The following FGD1 variants were observed in gnomAD, a reference collection of about 807,000 sequenced individuals.
The protein encoded by FGD1 is FYVE, RhoGEF and PH domain containing 1.
In FGD1, 12 loss-of-function variants were observed where a neutral mutation model predicts 65.0. That is an observed-to-expected ratio of 0.18 (90% confidence interval 0.12 to 0.30). The LOEUF is 0.30. Among genes scored for constraint, FGD1 ranks in the 10% least tolerant of loss-of-function variants. The probability of loss-of-function intolerance (pLI) is 1.00; values close to 1 mark genes in which losing one functional copy is unlikely to be tolerated. For synonymous variants in FGD1, 333 were observed against 343.9 expected, an observed-to-expected ratio of 0.97 and a Z score of 0.35; for missense variants, 542 against 837.6, an observed-to-expected ratio of 0.65 and a Z score of 4.36.
chrX:54,465,365 A>G, intron 8 of FGD1, 86 bp downstream of exon 8: 4 of 1,038,938 alleles, frequency 3.9e-6, no homozygotes, highest in Non-Finnish European at 5.2e-6. Context: ...GACCCTGTGA[A>G]TTAAGTCTTG....
At chrX:54,490,385 T>C (rs1340380751) in intron 1 of FGD1, among the ~76,000 whole-genome samples, 2 of 111,897 alleles carry the variant, frequency 1.8e-5, no homozygotes, top group Non-Finnish European at 3.8e-5. Context: ...CATATTATTA[T>C]GCAGTCATTA....
rs1467930514 is a variant in FGD1, at chrX:54,449,640, A to G, written c.2148+19T>C. 1 of 1,086,282 alleles carries G rather than the reference A, an allele frequency of 9.2e-7. No homozygotes were observed. Among genetic ancestry groups the G allele is most frequent in the African/African-American group, 1.8e-5 (1 of 54,198 alleles). The allele number at this position is 1,086,282 out of a possible 1,213,427, so 89.5% of individuals were successfully genotyped here. A position where few individuals can be genotyped will look rare whatever the true frequency, so the allele number is the denominator to read the frequency against. On this transcript the variant is annotated intron_variant, in intron 14 of 17. Transcript: ENST00000375135. Reference sequence around the variant, plus strand: ...TGGAAGGGGTCCCAGTGCAGGGGAAAGAGGGCGGGGACTCTTACTGGAGAG... The same window carrying G: ...TGGAAGGGGTCCCAGTGCAGGGGAAGGAGGGCGGGGACTCTTACTGGAGAG...
intron 1 of FGD1, among the ~76,000 whole-genome samples, chrX:54,488,269 C>CAAAAAAA (rs57920117): frequency 1.8e-4 from 1 of 5,465 alleles, no homozygotes; most frequent in Non-Finnish European, 3.6e-4. Context: ...GACTCAGTCT[C>CAAAAAAA]AAAAAAAAAA....
chrX:54,479,724 GA>G (rs1294047770), intron 1 of FGD1, among the ~76,000 whole-genome samples: 1 of 99,863 alleles, frequency 1.0e-5, no homozygotes, highest in East Asian at 3.2e-4. Flanking sequence ...CAGCAGAAAG[GA>G]AAGTGCCTTT....
chrX:54,492,813 A>C (rs1357337433), intron 1 of FGD1, among the ~76,000 whole-genome samples: 1 of 110,233 alleles, frequency 9.1e-6, no homozygotes, highest in Non-Finnish European at 1.9e-5. Context: ...TGAGGTTCAG[A>C]GAAGAAAAGT....
At position 54,470,702 on chromosome X, in the gene FGD1, G is replaced by A; in HGVS notation, c.540C>T (p.Ile180=). The A allele has an allele frequency of 1.3e-6, 1 of 742,101 alleles. No homozygotes were observed. Among genetic ancestry groups the A allele is most frequent in the Non-Finnish European group, 2.0e-6 (1 of 512,017 alleles). 61.2% of individuals were successfully genotyped at this position (742,101 alleles called of 1,213,427 possible). A position where few individuals can be genotyped will look rare whatever the true frequency, so the allele number is the denominator to read the frequency against. The change falls in exon 3 of 18, where the codon ATC becomes ATT. Residue 180 remains isoleucine (I), a synonymous_variant. Coordinates refer to ENST00000375135, the MANE Select transcript of FGD1 (RefSeq NM_004463.3). ...MPRMPPPLEP[I]PPPPSRPLPA... is the part of the protein sequence containing the mutation. ...GCAGTGGGCGTGATGGTGGAGGGGG[G>A]ATGGGCTCCAGTGGGGGGGGCATCC...
In FGD1 at chrX:54,448,933, C is replaced by T. The variant is rs751512554; in HGVS notation, c.2309G>A (p.Arg770His). The T allele has an allele frequency of 1.7e-6, 2 of 1,210,615 alleles. No individual in the cohort carries two copies. Among genetic ancestry groups the T allele is most frequent in the South Asian group, 1.8e-5 (1 of 56,709 alleles). Residue 770 changes from arginine (R) to histidine (H), a missense_variant, in exon 16 of 18, where the codon CGC (arginine) becomes CAC (histidine). By Grantham distance (29) the Arg-to-His change is conservative (BLOSUM62 0). Transcript: ENST00000375135. Reference protein sequence around the residue: ...VCGKCSEFRARLVYDNNRSNR... With the variant: ...VCGKCSEFRAHLVYDNNRSNR... ...GGAGCGGTTGTTGTCATAGACGAGG[C>T]GGGCCCGGAACTCGGAGCACTTCCC...
chrX:54,487,727 A>G (rs1245525641), intron 1 of FGD1, among the ~76,000 whole-genome samples: 1 of 111,739 alleles, frequency 8.9e-6, no homozygotes, highest in African/African-American at 3.3e-5. Context: ...AGGCAGGCGG[A>G]TCACCTGAGG....
rs750940208 is a variant in FGD1 at position 54,446,122 on chromosome X, C to T, written c.2873G>A (p.Arg958Gln). The T allele has an allele frequency of 1.3e-5, 16 of 1,206,035 alleles. No homozygotes were observed. The highest frequency in any genetic ancestry group is 1.8e-5 in the African/African-American group (1 of 56,775). ...GTCCCAAACCCTCTAGGTCTTGTCT[C>T]GGGTCTGGGGGGATTCGGGGGGTTC... Reference protein sequence around the residue: ...TAEPPESPQTRDKT With the variant: ...TAEPPESPQTQDKT Residue 958 changes from arginine (R) to glutamine (Q), a missense_variant, in exon 18 of 18, where the codon CGA becomes CAA. Coordinates refer to ENST00000375135, the MANE Select transcript of FGD1 (RefSeq NM_004463.3).
intron 8 of FGD1, among the ~76,000 whole-genome samples, chrX:54,461,709 CT>C (rs1488670819): frequency 9.2e-6 from 1 of 108,305 alleles, no homozygotes; most frequent in African/African-American, 3.3e-5. Flanking sequence ...CTGTCTGGAG[CT>C]CAGTCTGGGC....
intron 8 of FGD1, among the ~76,000 whole-genome samples, chrX:54,459,617 A>C (rs1569541126): frequency 9.0e-6 from 1 of 111,093 alleles, no homozygotes; most frequent in Non-Finnish European, 1.9e-5. Context: ...ATTTAGTCTG[A>C]GGTGTAAAAA....
chrX:54,477,422 ACACT>A (rs758401751), intron 1 of FGD1, among the ~76,000 whole-genome samples: 7 of 105,626 alleles, frequency 6.6e-5, no homozygotes, highest in African/African-American at 2.2e-4. Context: ...AAAATACAGG[ACACT>A]CAGTTAATTT....
At chrX:54,493,835 G>C (rs921827545) in intron 1 of FGD1, among the ~76,000 whole-genome samples, 1 of 112,171 alleles carries the variant, frequency 8.9e-6, no homozygotes, top group South Asian at 3.6e-4. Context: ...GGCACCAAAA[G>C]GCACATCCTA....
chrX:54,476,946 T>C (rs1923032677), intron 1 of FGD1, among the ~76,000 whole-genome samples: 1 of 112,000 alleles, frequency 8.9e-6, no homozygotes, highest in Admixed American at 9.5e-5. Context: ...TAGCTGGGAC[T>C]ACAGGTGTGT....
intron 1 of FGD1, among the ~76,000 whole-genome samples, chrX:54,482,235 C>T (rs1360236594): frequency 3.1e-5 from 3 of 97,306 alleles, no homozygotes; most frequent in Non-Finnish European, 5.9e-5. Context: ...CGCACACGCG[C>T]GCACACACAC....
chrX:54,485,997 T>A (rs1296039431), intron 1 of FGD1, among the ~76,000 whole-genome samples: 5 of 110,670 alleles, frequency 4.5e-5, no homozygotes. Context: ...ATGGTCTCAA[T>A]CTCTTGACCT....
intron 16 of FGD1, 42 bp downstream of exon 16, chrX:54,448,764 A>G: frequency 8.3e-7 from 1 of 1,198,516 alleles, no homozygotes; most frequent in Non-Finnish European, 1.1e-6. Context: ...GTTGGAACCC[A>G]TTTGCCCACT....
At chrX:54,462,886 T>C (rs1922671561) in intron 8 of FGD1, among the ~76,000 whole-genome samples, 1 of 107,308 alleles carries the variant, frequency 9.3e-6, no homozygotes, top group African/African-American at 3.4e-5. Context: ...TGCCTCAGCC[T>C]CCTGACTAGC....
chrX:54,471,790 A>G (rs188760913), intron 1 of FGD1, among the ~76,000 whole-genome samples: 24 of 111,852 alleles, frequency 2.1e-4, no homozygotes, highest in African/African-American at 6.8e-4. Context: ...GGTGGCTGTG[A>G]GCACCCTAAA....
Sources: allele counts gnomAD v4.1 joint callset (sites outside exome capture counted in the v4.1 genomes callset), GRCh38; gene constraint gnomAD v4.1.1; transcripts MANE v1.5; gene names NCBI Gene and HGNC (gene_info 2026-07-23, HGNC 2026-07-21).